FARSB: variants seen among roughly 807,000 people sequenced by gnomAD.
The protein encoded by FARSB is phenylalanyl-tRNA synthetase subunit beta.
In FARSB, 40 loss-of-function variants were observed where a neutral mutation model predicts 69.6. The ratio of observed to expected loss-of-function variants is 0.57; its 90% CI spans 0.45 to 0.75. The LOEUF is 0.75. Ranked by LOEUF, FARSB falls within the 30% of genes least tolerant of loss-of-function variation. The pLI, the probability that FARSB is intolerant of heterozygous loss-of-function variation, is 0.00. For missense variants in FARSB, 632 were observed against 722.9 expected, an observed-to-expected ratio of 0.87 and a Z score of 1.44; for synonymous variants, 235 against 247.2, an observed-to-expected ratio of 0.95 and a Z score of 0.46.
chr2:222,654,203 A>T (rs1358961989), intron 1 of FARSB, among the ~76,000 whole-genome samples: 2 of 152,182 alleles, frequency 1.3e-5, no homozygotes, highest in African/African-American at 4.8e-5. Flanking sequence ...CAATCCAAAA[A>T]TCTGAAATCT....
In FARSB at chr2:222,623,660, G is replaced by T; in HGVS notation, c.1241C>A (p.Thr414Asn). The change falls in exon 13 of 17, where the codon ACC (threonine) becomes AAC (asparagine). Residue 414 changes from threonine to asparagine, a missense_variant. Coordinates refer to ENST00000281828, the MANE Select transcript of FARSB (RefSeq NM_005687.5). ...MAAAGFTEALTFALCSQEDIA... is the reference protein window; with the variant it reads ...MAAAGFTEALNFALCSQEDIA... ...GCATGTAAGACATACCAGGGCAAAG[G>T]TAAGTGCTTCAGTGAAGCCAGCGGC... is the stretch of plus-strand genomic sequence containing the variant. The T allele has an allele frequency of 6.3e-7, 1 of 1,597,130 alleles. No individual in the cohort carries two copies. Among genetic ancestry groups the T allele is most frequent in the Non-Finnish European group, 8.6e-7 (1 of 1,164,560 alleles).
intron 1 of FARSB, among the ~76,000 whole-genome samples, chr2:222,649,095 G>A (rs1029507690): frequency 5.3e-5 from 8 of 151,634 alleles, no homozygotes; most frequent in African/African-American, 1.2e-4. Flanking sequence ...GCATGGTGGC[G>A]CATGCCTGTA....
chr2:222,646,965 C>A (rs1691881493), intron 2 of FARSB, among the ~76,000 whole-genome samples: 1 of 152,196 alleles, frequency 6.6e-6, no homozygotes, highest in African/African-American at 2.4e-5. Flanking sequence ...AGTGGACAAA[C>A]TGCACCTTGG....
intron 2 of FARSB, among the ~76,000 whole-genome samples, chr2:222,647,274 C>G (rs1345754915): frequency 6.6e-6 from 1 of 152,150 alleles, no homozygotes; most frequent in Non-Finnish European, 1.5e-5. Context: ...ACAGATGGGA[C>G]AGCTAGCCTC....
At chr2:222,640,480 C>T (rs1324827700) in intron 4 of FARSB, among the ~76,000 whole-genome samples, 1 of 147,496 alleles carries the variant, frequency 6.8e-6, no homozygotes, top group East Asian at 2.0e-4. Context: ...AAAAATTAGC[C>T]AGGTGTGGTG....
intron 14 of FARSB, among the ~76,000 whole-genome samples, chr2:222,616,014 A>T (rs920574875): frequency 2.6e-5 from 4 of 152,214 alleles, no homozygotes; most frequent in Non-Finnish European, 2.9e-5. Context: ...TTGCATATTT[A>T]AAAACCTACA....
At chr2:222,588,741 G>A (rs1354190770) in intron 16 of FARSB, among the ~76,000 whole-genome samples, 2 of 152,078 alleles carry the variant, frequency 1.3e-5, no homozygotes, top group Admixed American at 1.3e-4. Context: ...GCCAGATCGT[G>A]AGTGAACTCC....
chr2:222,580,795 G>C (rs1689947276), intron 16 of FARSB, among the ~76,000 whole-genome samples: 1 of 152,146 alleles, frequency 6.6e-6, no homozygotes, highest in South Asian at 2.1e-4. Context: ...AGGGACTTTA[G>C]GGATTATGAG....
intron 2 of FARSB, among the ~76,000 whole-genome samples, chr2:222,645,399 A>C (rs947308284): frequency 2.6e-5 from 4 of 152,200 alleles, no homozygotes; most frequent in African/African-American, 9.6e-5. Context: ...CCAATTTCTC[A>C]AGTATACAAA....
intron 10 of FARSB, among the ~76,000 whole-genome samples, chr2:222,628,098 A>T (rs2106223347): frequency 6.6e-6 from 1 of 152,310 alleles, no homozygotes; most frequent in Non-Finnish European, 1.5e-5. Context: ...ATACATTTGA[A>T]ATTATTTATT....
At chr2:222,581,001 A>C (rs960213965) in intron 16 of FARSB, among the ~76,000 whole-genome samples, 5 of 152,190 alleles carry the variant, frequency 3.3e-5, no homozygotes, top group African/African-American at 1.2e-4. Context: ...CTCAGCAAGA[A>C]GATCACATTC....
At chr2:222,651,979 C>T (rs1178501403) in intron 1 of FARSB, among the ~76,000 whole-genome samples, 2 of 152,172 alleles carry the variant, frequency 1.3e-5, no homozygotes, top group Non-Finnish European at 2.9e-5. Context: ...CAACATTTGC[C>T]ACTTGATTCC....
chr2:222,576,590 T>C (rs1319486628), intron 16 of FARSB, among the ~76,000 whole-genome samples: 1 of 152,134 alleles, frequency 6.6e-6, no homozygotes, highest in Non-Finnish European at 1.5e-5. Context: ...AATTATGTAC[T>C]ATGGAGTGAA....
chr2:222,589,809 A>C (rs1019467634), intron 16 of FARSB, among the ~76,000 whole-genome samples: 13 of 152,198 alleles, frequency 8.5e-5, no homozygotes, highest in Non-Finnish European at 1.5e-4. Context: ...TCAAAACCAC[A>C]ATGAGATACC....
intron 14 of FARSB, among the ~76,000 whole-genome samples, chr2:222,619,015 G>A (rs1213598921): frequency 7.3e-5 from 11 of 151,552 alleles, no homozygotes; most frequent in African/African-American, 9.7e-5. Context: ...AGTGGCGGGC[G>A]CCTGTAGTCC....
chr2:222,584,422 C>A (rs1301726754), intron 16 of FARSB, among the ~76,000 whole-genome samples: 1 of 152,152 alleles, frequency 6.6e-6, no homozygotes, highest in Non-Finnish European at 1.5e-5. Flanking sequence ...CAGCTCCCAG[C>A]GTGAGCAATG....
At chr2:222,638,051 A>C (rs569006425) in intron 5 of FARSB, among the ~76,000 whole-genome samples, 1 of 152,340 alleles carries the variant, frequency 6.6e-6, no homozygotes, top group South Asian at 2.1e-4. Flanking sequence ...AAAGGAAAAA[A>C]AAGAGAGAAG....
At chr2:222,584,256 T>G (rs1559190155) in intron 16 of FARSB, among the ~76,000 whole-genome samples, 1 of 152,148 alleles carries the variant, frequency 6.6e-6, no homozygotes, top group Non-Finnish European at 1.5e-5. Flanking sequence ...TAAAATAAAT[T>G]TTGACTATTT....
At chr2:222,625,112 A>C (rs1192112389) in intron 10 of FARSB, among the ~76,000 whole-genome samples, 2 of 152,312 alleles carry the variant, frequency 1.3e-5, no homozygotes, top group South Asian at 2.1e-4. Context: ...AATCCTGCTA[A>C]AGATTTTCAG....
Sources: gnomAD v4.1 joint callset for allele counts (sites outside exome capture counted in the v4.1 genomes callset) on GRCh38, gnomAD v4.1.1 for gene constraint, MANE v1.5 for transcripts, NCBI Gene and HGNC (gene_info 2026-07-23, HGNC 2026-07-21) for gene names.